The following CAPNS1 variants were observed in gnomAD, a reference collection of about 807,000 sequenced individuals.
CAPNS1 encodes calpain small subunit 1, also known as CANP small subunit.
In CAPNS1, 32 loss-of-function variants were observed where a neutral mutation model predicts 39.2. That is an observed-to-expected ratio of 0.82 (90% CI 0.62 to 1.10). The LOEUF is 1.10. CAPNS1 is among the 50% of genes least tolerant of loss of function. CAPNS1 has a pLI of 0.00. For missense variants in CAPNS1, 353 were observed against 373.1 expected (o/e 0.95, Z 0.44); for synonymous variants, 153 against 136.2 (o/e 1.12, Z -0.86).
chr19:36,142,193 A>G (rs1029627424), intron 2 of CAPNS1, 107 bp from the exon 3 acceptor site: 3 of 790,584 alleles, frequency 3.8e-6, no homozygotes, highest in East Asian at 2.4e-5. Context: ...CAACCAAGTA[A>G]GGAAGATAAC....
chr19:36,142,089 G>A (rs1315984632), intron 2 of CAPNS1, among the ~76,000 whole-genome samples: 1 of 152,158 alleles, frequency 6.6e-6, no homozygotes, highest in Non-Finnish European at 1.5e-5. Flanking sequence ...GGGTTTCCTC[G>A]AGGGTGGGGT....
intron 2 of CAPNS1, 188 bp downstream of exon 2, chr19:36,141,408 A>G (rs1974369379): frequency 7.5e-7 from 1 of 1,328,086 alleles, no homozygotes; most frequent in Non-Finnish European, 9.6e-7. Flanking sequence ...AGTGAGGCGG[A>G]TATCAGTCAT....
At chr19:36,146,797 CT>C (rs1974583988) in intron 9 of CAPNS1, among the ~76,000 whole-genome samples, 1 of 152,122 alleles carries the variant, frequency 6.6e-6, no homozygotes, top group South Asian at 2.1e-4. Flanking sequence ...GTGCAAAGGC[CT>C]AGAAGGGAAA....
At chr19:36,142,213 C>G in intron 2 of CAPNS1, 87 bp from the exon 3 acceptor site, 1 of 828,722 alleles carries the variant, frequency 1.2e-6, no homozygotes, top group Non-Finnish European at 2.2e-6. Flanking sequence ...CGGCTGGGGT[C>G]TGGAGCGTTG....
chr19:36,145,557 A>G (rs1974533447), intron 6 of CAPNS1: 1 of 451,104 alleles, frequency 2.2e-6, no homozygotes. Context: ...AGGAATTTGT[A>G]CTTTAGAGTA....
intron 8 of CAPNS1, 37 bp downstream of exon 8, chr19:36,146,091 G>T (rs764319084): frequency 2.5e-6 from 4 of 1,607,492 alleles, no homozygotes; most frequent in Non-Finnish European, 3.4e-6. Context: ...CTGGGAGTGG[G>T]ATGGGTGAGA....
chr19:36,143,122 G>C lies in CAPNS1; in HGVS notation c.450G>C (p.Val150=). The change falls in exon 6 of 11, where the codon GTG becomes GTC. Residue 150 remains valine (V), a synonymous_variant. Coordinates refer to ENST00000246533, the MANE Select transcript of CAPNS1 (RefSeq NM_001749.4). ...ACACATGTCGCAGCATGGTGGCCGTGATGGATGTATCCTTGGGGGCAGTGT... is the reference window on the plus strand; with the variant it reads ...ACACATGTCGCAGCATGGTGGCCGTCATGGATGTATCCTTGGGGGCAGTGT... The part of the protein sequence containing the change: ...GIDTCRSMVA[V]MDSDTTGKLG... The C allele has an allele frequency of 6.2e-7, 1 of 1,614,000 alleles. No homozygotes were observed. Among genetic ancestry groups the C allele is most frequent in the African/African-American group, 1.3e-5 (1 of 75,040 alleles).
intron 9 of CAPNS1, among the ~76,000 whole-genome samples, chr19:36,146,781 C>T (rs1279414087): frequency 6.6e-6 from 1 of 152,162 alleles, no homozygotes; most frequent in Admixed American, 6.5e-5. Context: ...GCTGAGGGAA[C>T]AGCCTGTGCA....
At chr19:36,140,736 C>A in intron 1 of CAPNS1, 5 of 412,938 alleles carry the variant, frequency 1.2e-5, no homozygotes, top group African/African-American at 2.1e-5. Flanking sequence ...AGAACCCCCA[C>A]CAGATCTGCA....
chr19:36,140,963 C>T, intron 1 of CAPNS1, 34 bp from the exon 2 acceptor site: 1 of 1,593,062 alleles, frequency 6.3e-7, no homozygotes, highest in Non-Finnish European at 8.5e-7. Context: ...GGCTCAGGGG[C>T]GAAGCACCCA....
Position 36,150,196 on chromosome 19 carries a change from C to A in CAPNS1, c.*357C>A. ...TCTCTCAGTTCTGGGAGGATGACTCCAGTCCCTGCACGCCCTGGCACACCC... is the reference window on the plus strand; with the variant it reads ...TCTCTCAGTTCTGGGAGGATGACTCAAGTCCCTGCACGCCCTGGCACACCC... On this transcript the variant is annotated 3_prime_UTR_variant, in exon 11 of 11. Coordinates refer to ENST00000246533, the MANE Select transcript of CAPNS1 (RefSeq NM_001749.4). 4.4e-6 allele frequency: 1 copy of A among 228,572 alleles called. No homozygotes were observed. The highest frequency in any genetic ancestry group is 8.5e-6 in the Non-Finnish European group (1 of 118,126). 14.2% of individuals were successfully genotyped at this position (228,572 alleles called of 1,614,324 possible). A position where few individuals can be genotyped will look rare whatever the true frequency, so the allele number is the denominator to read the frequency against.
chr19:36,146,079 G>C, intron 8 of CAPNS1, 25 bp downstream of exon 8: 1 of 1,610,874 alleles, frequency 6.2e-7, no homozygotes, highest in Non-Finnish European at 8.5e-7. Flanking sequence ...GACATGCTGG[G>C]GCTGGGAGTG....
chr19:36,145,398 T>A (rs1974527647), intron 6 of CAPNS1: 1 of 183,822 alleles, frequency 5.4e-6, no homozygotes, highest in Non-Finnish European at 1.2e-5. Flanking sequence ...AGAGACGGGA[T>A]TTCATCATGT....
At chr19:36,143,898 G>A (rs1421831082) in intron 6 of CAPNS1, among the ~76,000 whole-genome samples, 15 of 137,828 alleles carry the variant, frequency 1.1e-4, no homozygotes, top group African/African-American at 2.4e-4. Context: ...AAAATAGGCC[G>A]GGCGCCGTGG....
intron 4 of CAPNS1, 82 bp from the exon 5 acceptor site, chr19:36,142,827 A>T: frequency 6.3e-7 from 1 of 1,589,930 alleles, no homozygotes; most frequent in Non-Finnish European, 8.6e-7. Flanking sequence ...CTTGACCATG[A>T]CAATCCCAGT....
Position 36,149,864 on chromosome 19 carries a change from C to T in CAPNS1, c.*25C>T. Reference sequence around the variant, plus strand: ...AACTGGAGCCCCAGACCCGCCCCCTCACTGCCTTGCTATAGGAGTCACCTG... The same window carrying T: ...AACTGGAGCCCCAGACCCGCCCCCTTACTGCCTTGCTATAGGAGTCACCTG... On this transcript the variant is annotated 3_prime_UTR_variant, in exon 11 of 11. Transcript: ENST00000246533. 1 of 1,438,206 alleles carries T rather than the reference C, an allele frequency of 7.0e-7. No homozygotes were observed. Among genetic ancestry groups the T allele is most frequent in the Non-Finnish European group, 9.2e-7 (1 of 1,088,468 alleles). The allele number at this position is 1,438,206 out of a possible 1,614,324, so 89.1% of individuals were successfully genotyped here.
At position 36,142,726 on chromosome 19, in the gene CAPNS1, C is replaced by T; in HGVS notation, c.318C>T (p.Ala106=). The part of the protein sequence containing the change: ...EEVRQFRRLF[A]QLAGDDMEVS... ...TCCGGCAGTTCCGGAGACTCTTTGC[C>T]CAGCTGGCTGGAGATGTAAGTAACC... Residue 106 remains alanine, a synonymous_variant, in exon 4 of 11, where the codon GCC becomes GCT. Transcript: ENST00000246533. 20 of 1,614,060 alleles carry T rather than the reference C, an allele frequency of 1.2e-5. No individual in the cohort carries two copies. The highest frequency in any genetic ancestry group is 1.6e-5 in the Non-Finnish European group (19 of 1,179,952).
intron 6 of CAPNS1, 91 bp from the exon 7 acceptor site, chr19:36,145,715 G>A: frequency 9.0e-7 from 1 of 1,114,176 alleles, no homozygotes; most frequent in Non-Finnish European, 1.3e-6. Context: ...AGCCCTGGCT[G>A]CCCTGCTTGC....
At chr19:36,141,748 G>T in intron 2 of CAPNS1, 1 of 366,090 alleles carries the variant, frequency 2.7e-6, no homozygotes, top group Non-Finnish European at 3.9e-6. Context: ...GGAGAAAAAT[G>T]CCCTGGTAGG....
Sources: allele counts gnomAD v4.1 joint callset (sites outside exome capture counted in the v4.1 genomes callset), GRCh38; gene constraint gnomAD v4.1.1; transcripts MANE v1.5; gene names NCBI Gene and HGNC (gene_info 2026-07-23, HGNC 2026-07-21).